The following SRPK2 variants were observed in gnomAD, a reference collection of about 807,000 sequenced individuals.
SRPK2 encodes SRSF protein kinase 2.
SRPK2 carries 21 observed loss-of-function variants against 90.8 expected under a neutral mutation model. The observed-to-expected ratio is 0.23, with a 90% CI of 0.16 to 0.33. The LOEUF is 0.33. Ranked by LOEUF, SRPK2 falls within the 10% of genes least tolerant of loss-of-function variation. SRPK2 has a pLI of 1.00. For missense variants in SRPK2, 620 were observed against 869.0 expected, an observed-to-expected ratio of 0.71 and a Z score of 3.60; for synonymous variants, 288 against 311.1, an observed-to-expected ratio of 0.93 and a Z score of 0.78.
At chr7:105,249,854 T>TA (rs930641429) in intron 2 of SRPK2, among the ~76,000 whole-genome samples, 33 of 152,058 alleles carry the variant, frequency 2.2e-4, no homozygotes, top group African/African-American at 7.5e-4. Flanking sequence ...ATACTAAAGT[T>TA]AAAAAAAATA....
chr7:105,345,277 G>GT (rs1816327169), intron 2 of SRPK2, among the ~76,000 whole-genome samples: 1 of 152,124 alleles, frequency 6.6e-6, no homozygotes, highest in Non-Finnish European at 1.5e-5. Flanking sequence ...GGGATTTTAA[G>GT]TAGCAGTGTA....
At chr7:105,282,616 C>CT (rs1446108543) in intron 2 of SRPK2, among the ~76,000 whole-genome samples, 5 of 152,242 alleles carry the variant, frequency 3.3e-5, no homozygotes, top group African/African-American at 1.2e-4. Flanking sequence ...TGGCAAAACC[C>CT]TGTCTCTATT....
rs150516399 is a variant in SRPK2 at position 105,219,783 on chromosome 7, A to G, written c.72-15998T>C. Among the ~76,000 whole-genome samples the G allele has an allele frequency of 9.5e-4, 144 of 152,356 alleles. 1 individual carries two copies. Among genetic ancestry groups the G allele is most frequent in the African/African-American group, 3.4e-3 (140 of 41,576 alleles). On this transcript the variant is annotated intron_variant, in intron 2 of 15. Coordinates refer to ENST00000393651, the MANE Select transcript of SRPK2 (RefSeq NM_182692.3). ...TCATAAACTTTTAAAATGTTACTCA[A>G]ATTTGCAGTATTTAAGAGTAATATT...
At chr7:105,182,453 CTTT>C (rs71152944) in intron 3 of SRPK2, among the ~76,000 whole-genome samples, 6 of 116,514 alleles carry the variant, frequency 5.1e-5, no homozygotes, top group Non-Finnish European at 8.6e-5. Flanking sequence ...CCCCCCCCGC[CTTT>C]TTTTTTTTTT....
At chr7:105,307,886 T>C (rs955761747) in intron 2 of SRPK2, among the ~76,000 whole-genome samples, 4 of 152,236 alleles carry the variant, frequency 2.6e-5, no homozygotes, top group African/African-American at 4.8e-5. Flanking sequence ...GGTACATTAC[T>C]TGGACTCAAA....
chr7:105,398,717 C>G (rs1822394379), intron 1 of SRPK2, among the ~76,000 whole-genome samples: 1 of 152,132 alleles, frequency 6.6e-6, no homozygotes, highest in Admixed American at 6.6e-5. Flanking sequence ...TTTGTTGTTT[C>G]ACTATAGCGT....
chr7:105,340,094 T>C (rs942622755), intron 2 of SRPK2, among the ~76,000 whole-genome samples: 1 of 151,430 alleles, frequency 6.6e-6, no homozygotes, highest in African/African-American at 2.4e-5. Flanking sequence ...CCAGGATCCG[T>C]AACTATAACG....
At chr7:105,299,029 A>G (rs1810203751) in intron 2 of SRPK2, among the ~76,000 whole-genome samples, 1 of 152,072 alleles carries the variant, frequency 6.6e-6, no homozygotes, top group South Asian at 2.1e-4. Flanking sequence ...ATCCATATGC[A>G]CTGAAACGTT....
intron 2 of SRPK2, among the ~76,000 whole-genome samples, chr7:105,342,446 T>C (rs571150653): frequency 1.3e-5 from 2 of 152,204 alleles, no homozygotes; most frequent in South Asian, 4.1e-4. Context: ...AGCGTTAAAA[T>C]TACTGCTATG....
intron 2 of SRPK2, among the ~76,000 whole-genome samples, chr7:105,327,298 CG>C (rs1479824192): frequency 6.6e-6 from 1 of 152,146 alleles, no homozygotes; most frequent in Non-Finnish European, 1.5e-5. Flanking sequence ...TGTCCATAAA[CG>C]AAGTTTGATT....
intron 2 of SRPK2, among the ~76,000 whole-genome samples, chr7:105,299,820 G>A (rs1277576468): frequency 6.6e-6 from 1 of 152,154 alleles, no homozygotes; most frequent in Non-Finnish European, 1.5e-5. Flanking sequence ...CTTGAACCCA[G>A]GCGGCGTAAG....
At chr7:105,321,886 A>C (rs1048817627) in intron 2 of SRPK2, among the ~76,000 whole-genome samples, 2 of 152,204 alleles carry the variant, frequency 1.3e-5, no homozygotes, top group African/African-American at 4.8e-5. Context: ...TGAAAACTGG[A>C]GATTTCTCAA....
Position 105,355,518 on chromosome 7 carries a change from G to C in SRPK2, c.71+33130C>G, listed in dbSNP as rs1045447194. On this transcript the variant is annotated intron_variant, in intron 2 of 15. Coordinates refer to ENST00000393651, the MANE Select transcript of SRPK2 (RefSeq NM_182692.3). The stretch of plus-strand genomic sequence containing the variant: ...ATTTTTAAAAAATTAGCCAGGCATG[G>C]TGGAGCACACCTGTGGTCCCAGCTA... 9.9e-5 allele frequency among the ~76,000 whole-genome samples: 15 copies of C among 151,980 alleles called. No homozygotes were observed. In the East Asian group the frequency reaches 2.9e-3, roughly 29 times the overall value.
chr7:105,262,851 G>A (rs1475205420), intron 2 of SRPK2, among the ~76,000 whole-genome samples: 1 of 151,846 alleles, frequency 6.6e-6, no homozygotes, highest in Non-Finnish European at 1.5e-5. Context: ...GGTAAGAGAA[G>A]GAAAAAAATA....
intron 14 of SRPK2, 60 bp downstream of exon 14, chr7:105,126,933 C>T: frequency 5.2e-6 from 8 of 1,532,820 alleles, no homozygotes; most frequent in South Asian, 1.1e-5. Flanking sequence ...CAGTACTCTA[C>T]AGAAGTTCAG....
chr7:105,257,565 T>C (rs767833385), intron 2 of SRPK2, among the ~76,000 whole-genome samples: 1 of 152,220 alleles, frequency 6.6e-6, no homozygotes, highest in Non-Finnish European at 1.5e-5. Flanking sequence ...CTCACTTTGG[T>C]GCTAACACAT....
At chr7:105,233,228 A>C (rs1280098510) in intron 2 of SRPK2, among the ~76,000 whole-genome samples, 1 of 152,226 alleles carries the variant, frequency 6.6e-6, no homozygotes, top group Non-Finnish European at 1.5e-5. Context: ...GGCTGTCTAT[A>C]GTCACGCCAC....
chr7:105,140,025 C>T (rs1394868146), intron 11 of SRPK2, among the ~76,000 whole-genome samples: 1 of 152,086 alleles, frequency 6.6e-6, no homozygotes, highest in Non-Finnish European at 1.5e-5. Flanking sequence ...TCTTCCTATA[C>T]ACTTTAGTTG....
chr7:105,202,082 C>G (rs1354098203), intron 3 of SRPK2, among the ~76,000 whole-genome samples: 1 of 106,690 alleles, frequency 9.4e-6, no homozygotes, highest in African/African-American at 3.6e-5. Context: ...AACCACTATT[C>G]AGACAAATGC....
Sources: allele counts gnomAD v4.1 joint callset (sites outside exome capture counted in the v4.1 genomes callset), GRCh38; gene constraint gnomAD v4.1.1; transcripts MANE v1.5; gene names NCBI Gene and HGNC (gene_info 2026-07-23, HGNC 2026-07-21).